MATCAP2: variants seen among roughly 807,000 people sequenced by gnomAD.
MATCAP2 encodes the protein microtubule associated tyrosine carboxypeptidase 2, also known as putative tyrosine carboxypeptidase MATCAP2.
chr7:36,339,812 A>G, the MATCAP2 span, among the ~76,000 whole-genome samples: 1 of 152,310 alleles, frequency 6.6e-6, no homozygotes, highest in African/African-American at 2.4e-5. Context: ...AATTATCTCT[A>G]AGAAGTATTA....
the MATCAP2 span, among the ~76,000 whole-genome samples, chr7:36,341,397 T>C: frequency 2.0e-5 from 3 of 152,352 alleles, no homozygotes; most frequent in South Asian, 4.1e-4. Context: ...TGAAGTCCTA[T>C]AGCCAAAGGT....
chr7:36,354,145 G>A, the MATCAP2 span, among the ~76,000 whole-genome samples: 1 of 152,210 alleles, frequency 6.6e-6, no homozygotes, highest in Non-Finnish European at 1.5e-5. Context: ...TACCATGGCT[G>A]CCAGCATGCA....
At chr7:36,336,240 G>C in the MATCAP2 span, 1 of 1,534,904 alleles carries the variant, frequency 6.5e-7, no homozygotes, top group Non-Finnish European at 8.7e-7. Flanking sequence ...CCAGTGGCTT[G>C]TTCAAATTTT....
the MATCAP2 span, chr7:36,356,827 G>T: frequency 8.2e-7 from 1 of 1,223,678 alleles, no homozygotes; most frequent in Non-Finnish European, 1.2e-6. Context: ...AAATGTCTTT[G>T]TTTTTGCTTA....
At chr7:36,382,647 C>T in the MATCAP2 span, among the ~76,000 whole-genome samples, 2 of 152,096 alleles carry the variant, frequency 1.3e-5, no homozygotes, top group East Asian at 1.9e-4. Flanking sequence ...TGCCTGCCAC[C>T]AGGCCCGGCT....
chr7:36,389,442 A>G, the MATCAP2 span, among the ~76,000 whole-genome samples: 2 of 151,708 alleles, frequency 1.3e-5, no homozygotes, highest in African/African-American at 2.4e-5. Flanking sequence ...AGCTCACTGC[A>G]GCCATGACCT....
chr7:36,331,490 C>T, the MATCAP2 span, among the ~76,000 whole-genome samples: 3 of 152,120 alleles, frequency 2.0e-5, no homozygotes, highest in African/African-American at 7.2e-5. Flanking sequence ...AGAGCAGGTA[C>T]ATCTCAATAA....
At chr7:36,366,748 C>G in the MATCAP2 span, 2 of 1,535,210 alleles carry the variant, frequency 1.3e-6, no homozygotes, top group African/African-American at 2.7e-5. Context: ...TCTCTCTTCC[C>G]TCCACAGGTT....
the MATCAP2 span, chr7:36,368,058 A>G: frequency 1.9e-5 from 1 of 51,986 alleles, no homozygotes; most frequent in African/African-American, 4.7e-5. Context: ...AGTGAGACTA[A>G]AAAAAAAAAA....
the MATCAP2 span, among the ~76,000 whole-genome samples, chr7:36,330,487 A>G: frequency 1.3e-5 from 2 of 152,216 alleles, no homozygotes. Context: ...ATTATAACCA[A>G]ATGCAATGTA....
At chr7:36,385,066 A>G in the MATCAP2 span, among the ~76,000 whole-genome samples, 3 of 152,184 alleles carry the variant, frequency 2.0e-5, no homozygotes, top group South Asian at 2.1e-4. Flanking sequence ...ATCCCTCTCT[A>G]TAAATAAATT....
chr7:36,387,998 A>T, the MATCAP2 span, among the ~76,000 whole-genome samples: 1 of 152,302 alleles, frequency 6.6e-6, no homozygotes, highest in Non-Finnish European at 1.5e-5. Context: ...AAATATTAAT[A>T]ATTCCATATA....
the MATCAP2 span, among the ~76,000 whole-genome samples, chr7:36,370,545 A>G: frequency 2.4e-3 from 368 of 152,222 alleles, 2 homozygotes; most frequent in African/African-American, 8.6e-3. Context: ...ACAGTGGCGC[A>G]ATCTTGGCTC....
At chr7:36,339,489 C>T in the MATCAP2 span, among the ~76,000 whole-genome samples, 12 of 152,238 alleles carry the variant, frequency 7.9e-5, no homozygotes, top group Middle Eastern at 3.4e-3. Flanking sequence ...TCAGAATCTG[C>T]ATTTTAACAA....
At chr7:36,370,701 G>A in the MATCAP2 span, among the ~76,000 whole-genome samples, 37 of 152,118 alleles carry the variant, frequency 2.4e-4, no homozygotes, top group African/African-American at 8.5e-4. Flanking sequence ...GGCTGGTCTC[G>A]AACTCCTGAC....
the MATCAP2 span, among the ~76,000 whole-genome samples, chr7:36,385,812 TAAAATAAAA>T: frequency 1.2e-3 from 173 of 145,536 alleles, 1 homozygote; most frequent in Middle Eastern, 7.1e-3. Context: ...TAAAATAAAA[TAAAATAAAA>T]TAAAATAAAA....
At chr7:36,333,141 C>T in the MATCAP2 span, among the ~76,000 whole-genome samples, 2 of 152,154 alleles carry the variant, frequency 1.3e-5, no homozygotes, top group Non-Finnish European at 2.9e-5. Context: ...TCTCCCAGCA[C>T]AGTGCTCGAG....
chr7:36,340,196 TA>T, the MATCAP2 span, among the ~76,000 whole-genome samples: 1 of 152,228 alleles, frequency 6.6e-6, no homozygotes, highest in South Asian at 2.1e-4. Context: ...AGCATGTACT[TA>T]ATTTCAGATA....
chr7:36,364,260 T>A, the MATCAP2 span, among the ~76,000 whole-genome samples: 3 of 152,068 alleles, frequency 2.0e-5, no homozygotes, highest in African/African-American at 7.2e-5. Flanking sequence ...GCTAATTTTT[T>A]AATTTTTTGT....
Sources: gnomAD v4.1 joint callset for allele counts (sites outside exome capture counted in the v4.1 genomes callset) on GRCh38, gnomAD v4.1.1 for gene constraint, MANE v1.5 for transcripts, NCBI Gene and HGNC (gene_info 2026-07-23, HGNC 2026-07-21) for gene names.